The following DRG1 variants were observed in gnomAD, a reference collection of about 807,000 sequenced individuals.
The protein encoded by DRG1 is developmentally-regulated GTP-binding protein 1.
Under a neutral mutation model 38.8 loss-of-function variants are expected in DRG1, and 19 were observed. The observed-to-expected ratio is 0.49, with a 90% CI of 0.34 to 0.72. The LOEUF is 0.72. Ranked by LOEUF, DRG1 falls within the 30% of genes least tolerant of loss-of-function variation. The pLI is 0.01. For missense variants in DRG1, 299 were observed against 444.8 expected (o/e 0.67, Z 2.95); for synonymous variants, 167 against 157.5 (o/e 1.06, Z -0.45).
In DRG1 at chr22:31,399,654, C is replaced by T. The variant is rs1385565408; in HGVS notation, c.-30C>T. ...TTGCCCGCGGGTGTGTGAAGGGAGA[C>T]AGTGTGGAGGCCACAGGGTACTCGC... On this transcript the variant is annotated 5_prime_UTR_variant, in exon 1 of 9. Coordinates refer to ENST00000331457, the MANE Select transcript of DRG1 (RefSeq NM_004147.4). 2 of 1,614,024 alleles carry T rather than the reference C, an allele frequency of 1.2e-6. No individual in the cohort carries two copies. Among genetic ancestry groups the T allele is most frequent in the East Asian group, 2.2e-5 (1 of 44,886 alleles).
At chr22:31,415,855 CCTT>C (rs1170995682) in intron 4 of DRG1, among the ~76,000 whole-genome samples, 2 of 152,076 alleles carry the variant, frequency 1.3e-5, no homozygotes, top group Non-Finnish European at 2.9e-5. Flanking sequence ...TTCCCCAACA[CCTT>C]CTTTTTTTTT....
intron 4 of DRG1, among the ~76,000 whole-genome samples, chr22:31,411,303 G>C (rs1432686232): frequency 3.3e-5 from 5 of 152,162 alleles, no homozygotes; most frequent in Admixed American, 6.6e-5. Context: ...TATGGGTATA[G>C]AGCTCTTGAA....
intron 8 of DRG1, among the ~76,000 whole-genome samples, chr22:31,433,652 G>C (rs1259635837): frequency 6.6e-6 from 1 of 151,926 alleles, no homozygotes; most frequent in African/African-American, 2.4e-5. Flanking sequence ...TTTTGTCTTT[G>C]ACTTTCTGCA....
chr22:31,404,430 C>CG (rs1331711293), intron 3 of DRG1, among the ~76,000 whole-genome samples: 1 of 151,436 alleles, frequency 6.6e-6, no homozygotes, highest in Non-Finnish European at 1.5e-5. Context: ...TTTGTAGAGA[C>CG]GGGGTTTCAC....
intron 8 of DRG1, among the ~76,000 whole-genome samples, chr22:31,428,116 T>G (rs1177935739): frequency 6.6e-6 from 1 of 152,160 alleles, no homozygotes; most frequent in Non-Finnish European, 1.5e-5. Flanking sequence ...CCTCCCAAAG[T>G]GTTAGGATTA....
chr22:31,425,869 A>G (rs950781571), intron 6 of DRG1, among the ~76,000 whole-genome samples: 5 of 152,172 alleles, frequency 3.3e-5, no homozygotes, highest in African/African-American at 1.2e-4. Context: ...CTTACTCCTC[A>G]TTTGAAAACA....
intron 3 of DRG1, among the ~76,000 whole-genome samples, chr22:31,405,222 G>A (rs1469458950): frequency 1.3e-5 from 2 of 150,544 alleles, no homozygotes; most frequent in Non-Finnish European, 2.9e-5. Flanking sequence ...AGGCTGGAGT[G>A]CAGTGGCGTG....
chr22:31,429,273 C>G (rs948282300), intron 8 of DRG1, among the ~76,000 whole-genome samples: 21 of 151,834 alleles, frequency 1.4e-4, no homozygotes, highest in African/African-American at 4.8e-4. Context: ...CGTGTGCCAC[C>G]GTGCCCGGCT....
intron 2 of DRG1, among the ~76,000 whole-genome samples, chr22:31,401,119 A>G (rs1026648800): frequency 6.6e-6 from 1 of 151,880 alleles, no homozygotes; most frequent in African/African-American, 2.4e-5. Flanking sequence ...CTGCACTGAT[A>G]CAAAATAGAT....
In DRG1 at chr22:31,434,274, G is replaced by T; in HGVS notation, c.*303G>T. Reference sequence around the variant, plus strand: ...GAAGCAGCTACAGAAGGGATCCTTGGGAACTTCATCTTGAGTGTGAAATGG... The same window carrying T: ...GAAGCAGCTACAGAAGGGATCCTTGTGAACTTCATCTTGAGTGTGAAATGG... On this transcript the variant is annotated 3_prime_UTR_variant, in exon 9 of 9. Transcript: ENST00000331457. 7.4e-6 allele frequency: 2 copies of T among 271,938 alleles called. No individual in the cohort carries two copies. The highest frequency in any genetic ancestry group is 9.0e-5 in the East Asian group (1 of 11,130). The allele number at this position is 271,938 out of a possible 1,614,324, so 16.8% of individuals were successfully genotyped here. A position where few individuals can be genotyped will look rare whatever the true frequency, so the allele number is the denominator to read the frequency against.
chr22:31,405,570 G>A (rs1016198559), intron 3 of DRG1, among the ~76,000 whole-genome samples: 3 of 151,770 alleles, frequency 2.0e-5, no homozygotes, highest in Non-Finnish European at 4.4e-5. Flanking sequence ...TCTTTTTGAA[G>A]TTATAGTCAT....
intron 3 of DRG1, among the ~76,000 whole-genome samples, chr22:31,407,318 G>A (rs974348411): frequency 6.6e-6 from 1 of 151,958 alleles, no homozygotes; most frequent in South Asian, 2.1e-4. Context: ...GGTCTTGTCT[G>A]TAACAGTTAT....
At chr22:31,401,138 G>T (rs959260275) in intron 2 of DRG1, among the ~76,000 whole-genome samples, 4 of 151,660 alleles carry the variant, frequency 2.6e-5, no homozygotes, top group African/African-American at 9.7e-5. Context: ...ATTTACATGC[G>T]CTGGGTGCAG....
intron 6 of DRG1, among the ~76,000 whole-genome samples, chr22:31,423,863 CTTTT>C (rs71202076): frequency 4.2e-5 from 5 of 119,254 alleles, no homozygotes; most frequent in Non-Finnish European, 3.3e-5. Flanking sequence ...GCTTTGGTTT[CTTTT>C]TTTTTTTTTT....
chr22:31,427,190 T>C lies in DRG1; in HGVS notation c.1004+8T>C. The C allele has an allele frequency of 6.2e-7, 1 of 1,613,628 alleles. No individual in the cohort carries two copies. Among genetic ancestry groups the C allele is most frequent in the Non-Finnish European group, 8.5e-7 (1 of 1,179,842 alleles). On this transcript the variant is annotated splice_region_variant and intron_variant, in intron 8 of 8. Transcript: ENST00000331457. Reference sequence around the variant, plus strand: ...TATCAAAGAATTTAAATAGTAAGTATCATGGGCCTGTGGTCCCTCCTTTTT... The same window carrying C: ...TATCAAAGAATTTAAATAGTAAGTACCATGGGCCTGTGGTCCCTCCTTTTT...
intron 2 of DRG1, among the ~76,000 whole-genome samples, chr22:31,401,802 C>G (rs753646861): frequency 4.6e-5 from 7 of 151,902 alleles, no homozygotes; most frequent in Non-Finnish European, 8.8e-5. Context: ...TCCTGTAATC[C>G]CAGCACTTCG....
chr22:31,418,394 G>A (rs1226713044), intron 4 of DRG1, among the ~76,000 whole-genome samples: 1 of 152,160 alleles, frequency 6.6e-6, no homozygotes, highest in Admixed American at 6.6e-5. Flanking sequence ...GGAGGTGGAG[G>A]TTATAATGAG....
At chr22:31,433,634 A>G (rs1327182744) in intron 8 of DRG1, among the ~76,000 whole-genome samples, 1 of 152,108 alleles carries the variant, frequency 6.6e-6, no homozygotes, top group African/African-American at 2.4e-5. Flanking sequence ...CTTTATACTA[A>G]ACATGTTTTT....
intron 5 of DRG1, among the ~76,000 whole-genome samples, chr22:31,422,129 GAAAGA>G (rs1445323746): frequency 1.3e-5 from 2 of 149,576 alleles, no homozygotes; most frequent in Admixed American, 6.7e-5. Context: ...AAGAAAGAAA[GAAAGA>G]AAAGAAAAGA....
Sources: gnomAD v4.1 joint callset for allele counts (sites outside exome capture counted in the v4.1 genomes callset) on GRCh38, gnomAD v4.1.1 for gene constraint, MANE v1.5 for transcripts, NCBI Gene and HGNC (gene_info 2026-07-23, HGNC 2026-07-21) for gene names.